The following LHPP variants were observed in gnomAD, a reference collection of about 807,000 sequenced individuals.
The protein encoded by LHPP is phospholysine phosphohistidine inorganic pyrophosphate phosphatase, also known as hLHPP.
LHPP carries 24 observed loss-of-function variants against 30.3 expected under a neutral mutation model. The observed-to-expected ratio is 0.79, with a 90% confidence interval of 0.57 to 1.11. The LOEUF (loss-of-function observed/expected upper bound fraction) is 1.11. Ranked by LOEUF, LHPP falls within the 50% of genes most tolerant of loss-of-function variation. The probability of loss-of-function intolerance (pLI) is 0.00; values close to 1 mark genes in which losing one functional copy is unlikely to be tolerated. For missense variants in LHPP, 356 were observed against 367.2 expected (o/e 0.97, Z 0.25); for synonymous variants, 150 against 157.1 (o/e 0.95, Z 0.34).
At chr10:124,552,264 G>A (rs1948182278) in intron 6 of LHPP, among the ~76,000 whole-genome samples, 1 of 152,104 alleles carries the variant, frequency 6.6e-6, no homozygotes, top group Non-Finnish European at 1.5e-5. Flanking sequence ...TCCCCATTAC[G>A]GAAACGGAGT....
chr10:124,505,151 C>T (rs371565378), intron 5 of LHPP, among the ~76,000 whole-genome samples: 10 of 152,124 alleles, frequency 6.6e-5, no homozygotes, highest in African/African-American at 2.4e-4. Context: ...TTCCGAACGT[C>T]CCCACCCTGC....
At chr10:124,471,254 A>G (rs1952722729) in intron 1 of LHPP, among the ~76,000 whole-genome samples, 2 of 150,752 alleles carry the variant, frequency 1.3e-5, no homozygotes, top group South Asian at 4.2e-4. Flanking sequence ...CCATTGCCCA[A>G]GGCATGTGTT....
At chr10:124,540,698 T>C (rs1955161621) in intron 6 of LHPP, among the ~76,000 whole-genome samples, 1 of 152,118 alleles carries the variant, frequency 6.6e-6, no homozygotes, top group African/African-American at 2.4e-5. Flanking sequence ...CAGGCAGGGT[T>C]CCAGCAGCAG....
At chr10:124,600,759 A>G (rs1002763844) in intron 6 of LHPP, among the ~76,000 whole-genome samples, 1 of 152,182 alleles carries the variant, frequency 6.6e-6, no homozygotes, top group African/African-American at 2.4e-5. Context: ...CCCCCAGCCC[A>G]GATTTCTAGG....
At chr10:124,516,325 C>G (rs759810654) in intron 5 of LHPP, among the ~76,000 whole-genome samples, 1 of 152,120 alleles carries the variant, frequency 6.6e-6, no homozygotes, top group Non-Finnish European at 1.5e-5. Context: ...GACAGCAGTC[C>G]CATCAGATCA....
intron 6 of LHPP, among the ~76,000 whole-genome samples, chr10:124,608,417 C>A (rs923148510): frequency 6.6e-6 from 1 of 152,218 alleles, no homozygotes; most frequent in African/African-American, 2.4e-5. Flanking sequence ...GCGCCCACAC[C>A]CGCGCCAACC....
chr10:124,488,515 A>C lies in LHPP; in HGVS notation c.407A>C (p.Asn136Thr), dbSNP rs1953410619. 6.2e-7 allele frequency: 1 copy of C among 1,614,050 alleles called. No individual in the cohort carries two copies. The highest frequency in any genetic ancestry group is 8.5e-7 in the Non-Finnish European group (1 of 1,180,012). The change falls in exon 3 of 7, where the codon AAT becomes ACT. Residue 136 changes from asparagine (N) to threonine (T), a missense_variant. By Grantham distance (65) the Asn-to-Thr change is moderately conservative. Coordinates refer to ENST00000368842, the MANE Select transcript of LHPP (RefSeq NM_022126.4). ...AGESFSYQNM[N>T]NAFQVLMELE... Reference sequence around the variant, plus strand: ...GAAAGCTTTTCTTATCAAAACATGAATAACGCCTTCCAGGTGCTCATGGAG... The same window carrying C: ...GAAAGCTTTTCTTATCAAAACATGACTAACGCCTTCCAGGTGCTCATGGAG...
At chr10:124,562,658 G>A (rs771710657) in intron 6 of LHPP, among the ~76,000 whole-genome samples, 2 of 152,124 alleles carry the variant, frequency 1.3e-5, no homozygotes, top group Admixed American at 6.6e-5. Flanking sequence ...TAGGCCAGGC[G>A]TGGTGGCTCA....
Position 124,591,863 on chromosome 10 carries a change from A to C in LHPP, c.717-21401A>C, listed in dbSNP as rs144773159. On this transcript the variant is annotated intron_variant, in intron 6 of 6. Transcript: ENST00000368842. ...ATCTCTCTGATCTTGGGTCTCTGACAATGGAGCTAGCAACACTTCCTGGTT... is the reference window on the plus strand; with the variant it reads ...ATCTCTCTGATCTTGGGTCTCTGACCATGGAGCTAGCAACACTTCCTGGTT... 1.2e-3 allele frequency among the ~76,000 whole-genome samples: 182 copies of C among 151,992 alleles called. No homozygotes were observed. The South Asian group carries it at 0.017, about 14-fold the overall frequency.
chr10:124,572,869 T>C (rs74160937), intron 6 of LHPP, among the ~76,000 whole-genome samples: 1,766 of 152,316 alleles, frequency 0.012, 32 homozygotes, highest in African/African-American at 0.041. Flanking sequence ...CTGTGGTCCC[T>C]GTCGTGTGTA....
chr10:124,484,069 C>A, intron 1 of LHPP, 70 bp from the exon 2 acceptor site: 1 of 1,472,558 alleles, frequency 6.8e-7, no homozygotes, highest in East Asian at 2.4e-5. Flanking sequence ...CGAGAATCAC[C>A]GCGCAACCTC....
chr10:124,538,637 C>G (rs1385865334), intron 6 of LHPP, among the ~76,000 whole-genome samples: 1 of 152,218 alleles, frequency 6.6e-6, no homozygotes, highest in Non-Finnish European at 1.5e-5. Flanking sequence ...TGCTGAGACC[C>G]TGGAAGAGAC....
intron 3 of LHPP, among the ~76,000 whole-genome samples, chr10:124,491,783 G>A (rs977207825): frequency 6.6e-6 from 1 of 152,180 alleles, no homozygotes; most frequent in Non-Finnish European, 1.5e-5. Flanking sequence ...AAATTAGCCA[G>A]GTGTGGTGGT....
chr10:124,506,271 C>A (rs867076295), intron 5 of LHPP, among the ~76,000 whole-genome samples: 3 of 127,836 alleles, frequency 2.3e-5, no homozygotes, highest in African/African-American at 2.9e-5. Flanking sequence ...AAACCCCCCC[C>A]CCACCCCGCG....
At chr10:124,475,417 T>C (rs1279727579) in intron 1 of LHPP, among the ~76,000 whole-genome samples, 2 of 150,990 alleles carry the variant, frequency 1.3e-5, no homozygotes, top group East Asian at 4.0e-4. Flanking sequence ...GGCGGGTGCC[T>C]GTAATCCCAG....
intron 6 of LHPP, among the ~76,000 whole-genome samples, chr10:124,544,174 C>G (rs1181952097): frequency 6.6e-6 from 1 of 152,224 alleles, no homozygotes; most frequent in Non-Finnish European, 1.5e-5. Context: ...ACTGATCTGA[C>G]AGACGGGTAT....
At chr10:124,612,200 C>T (rs1480632696) in intron 6 of LHPP, among the ~76,000 whole-genome samples, 3 of 152,024 alleles carry the variant, frequency 2.0e-5, no homozygotes, top group African/African-American at 7.2e-5. Context: ...GGTCAGGAGT[C>T]GGAGACCGGC....
At position 124,516,888 on chromosome 10, in the gene LHPP, G is replaced by A. The variant is rs193014339; in HGVS notation, c.625-292G>A. On this transcript the variant is annotated intron_variant, in intron 5 of 6. Coordinates refer to ENST00000368842, the MANE Select transcript of LHPP (RefSeq NM_022126.4). ...TGTGTTCCAGCAGAGGCCAGACAGC[G>A]TTCAGCATCCCCGCACGTCCTTGGG... Among the ~76,000 whole-genome samples the A allele has an allele frequency of 4.3e-4, 66 of 152,234 alleles. 1 individual carries two copies. Among genetic ancestry groups the A allele is most frequent in the Middle Eastern group, 6.8e-3 (2 of 294 alleles).
At chr10:124,585,261 T>G (rs1043664475) in intron 6 of LHPP, among the ~76,000 whole-genome samples, 2 of 152,240 alleles carry the variant, frequency 1.3e-5, no homozygotes, top group Non-Finnish European at 2.9e-5. Context: ...TTATTCTTTT[T>G]GAGCTACCAT....
Sources: allele counts gnomAD v4.1 joint callset (sites outside exome capture counted in the v4.1 genomes callset), GRCh38; gene constraint gnomAD v4.1.1; transcripts MANE v1.5; gene names NCBI Gene and HGNC (gene_info 2026-07-23, HGNC 2026-07-21).